The following CBX5 variants were observed in gnomAD, a reference collection of about 807,000 sequenced individuals.
The protein encoded by CBX5 is chromobox protein homolog 5.
Under a neutral mutation model 20.7 loss-of-function variants are expected in CBX5, and 7 were observed. The observed-to-expected ratio is 0.34, with a 90% confidence interval of 0.19 to 0.63. The LOEUF is 0.63. Among genes scored for constraint, CBX5 ranks in the 30% least tolerant of loss-of-function variants. The pLI is 0.75. For synonymous variants in CBX5, 78 were observed against 77.0 expected (o/e 1.01, Z -0.07); for missense variants, 110 against 224.1 (o/e 0.49, Z 3.25).
chr12:54,242,199 G>T (rs1943683012), intron 4 of CBX5, among the ~76,000 whole-genome samples: 1 of 152,078 alleles, frequency 6.6e-6, no homozygotes, highest in Non-Finnish European at 1.5e-5. Flanking sequence ...ATTTTTATTT[G>T]TGAATATGAG....
At chr12:54,258,270 T>C (rs910644517) in intron 1 of CBX5, 6 of 152,218 alleles carry the variant, frequency 3.9e-5, no homozygotes, top group African/African-American at 1.4e-4. Context: ...AGAGCATCCA[T>C]CAGCTCACAA....
chr12:54,255,393 A>G (rs1355619451), intron 2 of CBX5, among the ~76,000 whole-genome samples: 2 of 151,912 alleles, frequency 1.3e-5, no homozygotes, highest in Non-Finnish European at 2.9e-5. Context: ...TGCTGTCTCT[A>G]CTAAAAATAC....
rs1410535817 is a variant in CBX5 at position 54,271,313 on chromosome 12, G to A, written c.-43+8695C>T. The stretch of plus-strand genomic sequence containing the variant: ...GAAATTTCCAAATATAATTGCAGAT[G>A]TCTGTTATTTCCTTTTTCTTTTCTT... On this transcript the variant is annotated intron_variant, in intron 1 of 4. Coordinates refer to ENST00000209875, the MANE Select transcript of CBX5 (RefSeq NM_012117.3). Among the ~76,000 whole-genome samples the A allele has an allele frequency of 3.3e-5, 5 of 152,106 alleles. No individual in the cohort carries two copies. In the South Asian group the frequency reaches 1.0e-3, roughly 32 times the overall value.
At chr12:54,243,303 C>T (rs900118767) in intron 4 of CBX5, among the ~76,000 whole-genome samples, 9 of 151,948 alleles carry the variant, frequency 5.9e-5, no homozygotes, top group African/African-American at 1.2e-4. Context: ...AGCCCAGGCA[C>T]AGCGCCTCAT....
intron 1 of CBX5, among the ~76,000 whole-genome samples, chr12:54,268,605 TATGAG>T (rs1565874028): frequency 1.3e-5 from 2 of 152,200 alleles, no homozygotes; most frequent in Admixed American, 6.5e-5. Context: ...ATTGGTTGAT[TATGAG>T]ATATTTATTG....
chr12:54,276,739 G>C (rs781098605), intron 1 of CBX5: 1 of 152,186 alleles, frequency 6.6e-6, no homozygotes, highest in Non-Finnish European at 1.5e-5. Flanking sequence ...TTAAGACAAT[G>C]AAATAGTATA....
chr12:54,244,658 A>C (rs1040937724), intron 4 of CBX5, among the ~76,000 whole-genome samples: 1 of 151,978 alleles, frequency 6.6e-6, no homozygotes, highest in African/African-American at 2.4e-5. Flanking sequence ...GAATCACTTG[A>C]ACCCGGGAGG....
chr12:54,249,542 G>A (rs1254546580), intron 3 of CBX5, among the ~76,000 whole-genome samples: 1 of 151,878 alleles, frequency 6.6e-6, no homozygotes, highest in African/African-American at 2.4e-5. Flanking sequence ...GGATGATTGT[G>A]GCAGCTACTC....
Position 54,240,067 on chromosome 12 carries a change from C to A in CBX5, c.*1688G>T, listed in dbSNP as rs747628974. The A allele has an allele frequency of 6.6e-6, 1 of 152,202 alleles. No homozygotes were observed. Among genetic ancestry groups the A allele is most frequent in the Non-Finnish European group, 1.5e-5 (1 of 68,046 alleles). 9.4% of individuals were successfully genotyped at this position (152,202 alleles called of 1,614,324 possible). ...AAGAAAAGCAGCCTCATGGCTGGTG[C>A]GCTCTAGAATTAAGGCTATATTAAG... On this transcript the variant is annotated 3_prime_UTR_variant, in exon 5 of 5. Coordinates refer to ENST00000209875, the MANE Select transcript of CBX5 (RefSeq NM_012117.3).
chr12:54,274,845 C>T (rs952332906), intron 1 of CBX5, among the ~76,000 whole-genome samples: 38 of 152,112 alleles, frequency 2.5e-4, no homozygotes, highest in Admixed American at 2.2e-3. Flanking sequence ...GAGGCTGAGG[C>T]AGGAGGATCG....
intron 3 of CBX5, among the ~76,000 whole-genome samples, chr12:54,249,187 G>A (rs759021361): frequency 1.3e-4 from 20 of 152,016 alleles, no homozygotes; most frequent in Non-Finnish European, 2.5e-4. Context: ...TGGCTAACAC[G>A]GTGAAACCCC....
intron 2 of CBX5, 148 bp from the exon 3 acceptor site, chr12:54,252,375 A>T: frequency 2.3e-6 from 1 of 427,584 alleles, no homozygotes; most frequent in Non-Finnish European, 4.0e-6. Flanking sequence ...TTGATCCTAG[A>T]TTTCTACCCA....
At chr12:54,270,593 T>A (rs887609298) in intron 1 of CBX5, among the ~76,000 whole-genome samples, 1 of 152,226 alleles carries the variant, frequency 6.6e-6, no homozygotes. Flanking sequence ...AGTTTTGATA[T>A]ATCATCTTTT....
intron 1 of CBX5, among the ~76,000 whole-genome samples, chr12:54,268,133 G>C (rs1019212574): frequency 1.3e-5 from 2 of 152,128 alleles, no homozygotes; most frequent in Admixed American, 6.5e-5. Context: ...GACAGAGCGA[G>C]ACTTCATCTC....
At chr12:54,279,381 G>A (rs890130139) in intron 1 of CBX5, among the ~76,000 whole-genome samples, 2 of 152,162 alleles carry the variant, frequency 1.3e-5, no homozygotes, top group African/African-American at 2.4e-5. Context: ...AGGAATACAG[G>A]AGCAAACTTA....
chr12:54,243,205 C>T (rs1008359726), intron 4 of CBX5, among the ~76,000 whole-genome samples: 3 of 152,114 alleles, frequency 2.0e-5, no homozygotes, highest in African/African-American at 7.2e-5. Context: ...GGAGCAGATA[C>T]TCAAATTTGG....
chr12:54,242,146 G>C (rs1408752125), intron 4 of CBX5, among the ~76,000 whole-genome samples: 1 of 152,082 alleles, frequency 6.6e-6, no homozygotes, highest in Non-Finnish European at 1.5e-5. Context: ...GGTGGGCTTA[G>C]GTTAAAAAGA....
intron 1 of CBX5, among the ~76,000 whole-genome samples, chr12:54,269,894 A>C (rs1269330936): frequency 6.6e-6 from 1 of 152,144 alleles, no homozygotes; most frequent in East Asian, 1.9e-4. Flanking sequence ...TTCTGTATTT[A>C]AGTGAGTTTT....
chr12:54,252,264 G>A (rs149457688), intron 2 of CBX5, 37 bp from the exon 3 acceptor site: 5 of 1,473,628 alleles, frequency 3.4e-6, no homozygotes, highest in East Asian at 4.8e-5. Flanking sequence ...AAAAAAAAGG[G>A]GGGGGTAAAG....
Sources: allele counts gnomAD v4.1 joint callset (sites outside exome capture counted in the v4.1 genomes callset), GRCh38; gene constraint gnomAD v4.1.1; transcripts MANE v1.5; gene names NCBI Gene and HGNC (gene_info 2026-07-23, HGNC 2026-07-21).